RANBP17: variants seen among roughly 807,000 people sequenced by gnomAD.
RANBP17 encodes ran-binding protein 17.
In RANBP17, 158 loss-of-function variants were observed where a neutral mutation model predicts 141.2. The ratio of observed to expected loss-of-function variants is 1.12; its 90% CI spans 0.98 to 1.28. The LOEUF (loss-of-function observed/expected upper bound fraction) is 1.28. Among genes scored for constraint, RANBP17 ranks in the 50% most tolerant of loss-of-function variants. RANBP17 has a pLI of 0.00. For missense variants in RANBP17, 1,438 were observed against 1,290.7 expected (o/e 1.11, Z -1.75); for synonymous variants, 430 against 450.0 (o/e 0.96, Z 0.56).
chr5:171,081,746 G>A (rs1187713345), intron 14 of RANBP17, among the ~76,000 whole-genome samples: 1 of 151,918 alleles, frequency 6.6e-6, no homozygotes, highest in African/African-American at 2.4e-5. Context: ...ACATTTAAAG[G>A]CACATTACTT....
chr5:171,067,622 A>C (rs1346474945), intron 14 of RANBP17, among the ~76,000 whole-genome samples: 1 of 151,980 alleles, frequency 6.6e-6, no homozygotes, highest in Non-Finnish European at 1.5e-5. Context: ...GGAACGTCTT[A>C]ATTTTTCCTT....
intron 14 of RANBP17, among the ~76,000 whole-genome samples, chr5:170,995,560 A>C (rs1778761505): frequency 6.6e-6 from 1 of 152,112 alleles, no homozygotes; most frequent in Admixed American, 6.6e-5. Flanking sequence ...TTGTATACCA[A>C]GGTATTAATC....
intron 16 of RANBP17, among the ~76,000 whole-genome samples, chr5:171,182,823 A>G (rs1040617495): frequency 2.6e-4 from 39 of 152,122 alleles, no homozygotes; most frequent in African/African-American, 8.7e-4. Context: ...ATGAAATAAC[A>G]TTAAGTAAGT....
At chr5:171,239,745 T>C (rs1292329510) in intron 22 of RANBP17, among the ~76,000 whole-genome samples, 5 of 152,198 alleles carry the variant, frequency 3.3e-5, no homozygotes, top group African/African-American at 9.7e-5. Context: ...TAGCTATTGC[T>C]TCTGTAAGTG....
rs1758880848 is a variant in RANBP17 at position 171,156,176 on chromosome 5, T to C, written c.1711-13954T>C. ...CCTAGTTTCTATATCTTTCTACAAG[T>C]ACTATATTATATTCATTAAGAATCA... On this transcript the variant is annotated intron_variant, in intron 14 of 27. Transcript: ENST00000523189. Among the ~76,000 whole-genome samples the C allele has an allele frequency of 3.9e-5, 6 of 152,234 alleles. No homozygotes were observed. In the South Asian group the frequency reaches 1.2e-3, roughly 31 times the overall value.
At chr5:170,894,333 T>C (rs1261318809) in intron 4 of RANBP17, among the ~76,000 whole-genome samples, 1 of 152,042 alleles carries the variant, frequency 6.6e-6, no homozygotes, top group East Asian at 1.9e-4. Flanking sequence ...TGGCTAACAT[T>C]TCTCAAGCTC....
chr5:171,192,410 A>G (rs1761709212), intron 18 of RANBP17, among the ~76,000 whole-genome samples: 3 of 152,148 alleles, frequency 2.0e-5, no homozygotes, highest in African/African-American at 4.8e-5. Context: ...AGGGAATGAG[A>G]TGTTTCATGG....
intron 14 of RANBP17, among the ~76,000 whole-genome samples, chr5:171,034,433 A>G (rs114994102): frequency 0.032 from 4,828 of 152,306 alleles, 102 homozygotes; most frequent in Non-Finnish European, 0.049. Flanking sequence ...AAGAACTGCA[A>G]TGAGACATGC....
chr5:170,961,317 G>A (rs1316185590), intron 13 of RANBP17, among the ~76,000 whole-genome samples: 1 of 152,180 alleles, frequency 6.6e-6, no homozygotes, highest in Non-Finnish European at 1.5e-5. Context: ...TGCTTATTTA[G>A]TTGGATACCT....
chr5:171,298,739 A>AC, intron 27 of RANBP17, 23 bp from the exon 28 acceptor site: 1 of 1,589,630 alleles, frequency 6.3e-7, no homozygotes, highest in Non-Finnish European at 8.6e-7. Flanking sequence ...ACTACCCTTG[A>AC]CCCTTTCTTC....
chr5:170,870,716 A>G (rs1464683732), intron 1 of RANBP17, among the ~76,000 whole-genome samples: 1 of 152,226 alleles, frequency 6.6e-6, no homozygotes, highest in African/African-American at 2.4e-5. Context: ...AATGATTTAT[A>G]TTCCTTTGAG....
intron 1 of RANBP17, among the ~76,000 whole-genome samples, chr5:170,871,070 ATGGAGTCT>A (rs1322817241): frequency 2.0e-5 from 3 of 151,808 alleles, no homozygotes; most frequent in Non-Finnish European, 4.4e-5. Context: ...TTCTTATGAG[ATGGAGTCT>A]TGCACTGTTG....
chr5:171,290,435 T>G (rs950931560), intron 25 of RANBP17, among the ~76,000 whole-genome samples: 5 of 151,976 alleles, frequency 3.3e-5, no homozygotes, highest in African/African-American at 1.2e-4. Flanking sequence ...AAAGTCCAAT[T>G]TGCTTTATGC....
intron 18 of RANBP17, among the ~76,000 whole-genome samples, chr5:171,191,555 C>T (rs1295745443): frequency 2.0e-5 from 3 of 151,988 alleles, no homozygotes; most frequent in African/African-American, 4.8e-5. Flanking sequence ...GGCGTCATGG[C>T]GGGTCTCTGT....
intron 14 of RANBP17, among the ~76,000 whole-genome samples, chr5:170,991,185 A>AT (rs901063442): frequency 1.3e-5 from 2 of 151,506 alleles, no homozygotes; most frequent in Non-Finnish European, 2.9e-5. Flanking sequence ...AAGTAGCTTT[A>AT]TTTTTTTGAA....
rs118052900 is a variant in RANBP17 at position 170,989,363 on chromosome 5, A to G, written c.1710+20986A>G. Reference sequence around the variant, plus strand: ...TATGATGGCTTGAGTATCATTTGGAAACATAAGTCATAATAGCTACAAGTT... The same window carrying G: ...TATGATGGCTTGAGTATCATTTGGAGACATAAGTCATAATAGCTACAAGTT... On this transcript the variant is annotated intron_variant, in intron 14 of 27. Transcript: ENST00000523189. Among the ~76,000 whole-genome samples, 43 of 151,896 alleles carry G rather than the reference A, an allele frequency of 2.8e-4. No homozygotes were observed. In the East Asian group the frequency reaches 8.1e-3, roughly 29 times the overall value.
At chr5:170,939,242 C>T (rs529990191) in intron 12 of RANBP17, among the ~76,000 whole-genome samples, 26 of 151,990 alleles carry the variant, frequency 1.7e-4, no homozygotes, top group East Asian at 3.9e-4. Flanking sequence ...TTCTACTAGC[C>T]GATCTTTCAT....
At chr5:171,283,071 G>A (rs1767948931) in intron 25 of RANBP17, among the ~76,000 whole-genome samples, 1 of 151,966 alleles carries the variant, frequency 6.6e-6, no homozygotes, top group African/African-American at 2.4e-5. Context: ...CTACCTGACT[G>A]TCAAACTTCT....
At chr5:171,165,898 A>T (rs2127868329) in intron 14 of RANBP17, among the ~76,000 whole-genome samples, 2 of 152,338 alleles carry the variant, frequency 1.3e-5, no homozygotes, top group African/African-American at 4.8e-5. Context: ...TTTTAAAATG[A>T]CAACATTTTA....
Sources: gnomAD v4.1 joint callset for allele counts (sites outside exome capture counted in the v4.1 genomes callset) on GRCh38, gnomAD v4.1.1 for gene constraint, MANE v1.5 for transcripts, NCBI Gene and HGNC (gene_info 2026-07-23, HGNC 2026-07-21) for gene names.